MAP3K13: variants seen among roughly 807,000 people sequenced by gnomAD.
MAP3K13 encodes leucine zipper-bearing kinase.
Under a neutral mutation model 104.0 loss-of-function variants are expected in MAP3K13, and 52 were observed. That is an observed-to-expected ratio of 0.50 (90% CI 0.40 to 0.63). The LOEUF (loss-of-function observed/expected upper bound fraction) is 0.63. Ranked by LOEUF, MAP3K13 falls within the 20% of genes least tolerant of loss-of-function variation. The pLI is 0.00. For missense variants in MAP3K13, 914 were observed against 1,218.5 expected, an observed-to-expected ratio of 0.75 and a Z score of 3.72; for synonymous variants, 394 against 442.2, an observed-to-expected ratio of 0.89 and a Z score of 1.37.
At chr3:185,379,186 G>A (rs755116258) in intron 1 of MAP3K13, among the ~76,000 whole-genome samples, 2 of 152,268 alleles carry the variant, frequency 1.3e-5, no homozygotes, top group South Asian at 2.1e-4. Flanking sequence ...GCGTCCCTGC[G>A]GAGATCAGAC....
At chr3:185,311,781 A>G (rs917717573) in intron 2 of MAP3K13, among the ~76,000 whole-genome samples, 1 of 152,202 alleles carries the variant, frequency 6.6e-6, no homozygotes, top group South Asian at 2.1e-4. Context: ...GTAGTCTTTC[A>G]TGCTTACCCA....
At chr3:185,351,467 C>A (rs997651517) in intron 2 of MAP3K13, among the ~76,000 whole-genome samples, 1 of 152,124 alleles carries the variant, frequency 6.6e-6, no homozygotes, top group Non-Finnish European at 1.5e-5. Context: ...AAGAAAGAGG[C>A]AGTGTTAGTG....
In MAP3K13 at chr3:185,482,111, C is replaced by A. The variant is rs997138427; in HGVS notation, c.2800-244C>A. ...AATAAATAAATAAGTAAAGTACTTACAACAGTGCCTGGAGCATAGTAAACG... is the reference window on the plus strand; with the variant it reads ...AATAAATAAATAAGTAAAGTACTTAAAACAGTGCCTGGAGCATAGTAAACG... On this transcript the variant is annotated intron_variant, in intron 13 of 13. Coordinates refer to ENST00000265026, the MANE Select transcript of MAP3K13 (RefSeq NM_004721.5). This position sits in a 1 kb window ranked among gnomAD's most constrained non-coding sequence, Gnocchi z 4.5. Among the ~76,000 whole-genome samples the A allele has an allele frequency of 6.6e-6, 1 of 152,180 alleles. No homozygotes were observed. The highest frequency in any genetic ancestry group is 2.4e-5 in the African/African-American group (1 of 41,454).
At chr3:185,313,170 CAG>C (rs1721551362) in intron 2 of MAP3K13, among the ~76,000 whole-genome samples, 1 of 146,494 alleles carries the variant, frequency 6.8e-6, no homozygotes, top group South Asian at 2.1e-4. Flanking sequence ...GCCTGAGAGA[CAG>C]AGTGAGACTC....
At chr3:185,379,308 TA>T (rs1724592096) in intron 1 of MAP3K13, among the ~76,000 whole-genome samples, 2 of 152,126 alleles carry the variant, frequency 1.3e-5, no homozygotes, top group African/African-American at 2.4e-5. Context: ...GGTCCACGGA[TA>T]AAAGGTGTCT....
chr3:185,330,674 A>G (rs1205330636), intron 2 of MAP3K13, among the ~76,000 whole-genome samples: 1 of 152,038 alleles, frequency 6.6e-6, no homozygotes, highest in African/African-American at 2.4e-5. Context: ...CAGTCTTTTA[A>G]CAACCTGGAA....
chr3:185,456,038 A>G (rs1257597793), intron 7 of MAP3K13, among the ~76,000 whole-genome samples: 1 of 150,462 alleles, frequency 6.6e-6, no homozygotes, highest in African/African-American at 2.4e-5. Flanking sequence ...ATGTTTTTCT[A>G]CCTGCCCCTG....
At chr3:185,353,875 C>G (rs1723238395) in intron 2 of MAP3K13, among the ~76,000 whole-genome samples, 1 of 152,144 alleles carries the variant, frequency 6.6e-6, no homozygotes, top group South Asian at 2.1e-4. Context: ...CTTGTTGAAA[C>G]TGACCATAAC....
intron 1 of MAP3K13, among the ~76,000 whole-genome samples, chr3:185,393,897 A>G (rs1324526431): frequency 4.6e-5 from 7 of 152,170 alleles, no homozygotes; most frequent in Admixed American, 6.5e-5. Context: ...AAGTCTTTCA[A>G]TCTTCCCTGA....
chr3:185,415,858 C>T (rs1713739401), intron 1 of MAP3K13, among the ~76,000 whole-genome samples: 1 of 152,128 alleles, frequency 6.6e-6, no homozygotes, highest in Non-Finnish European at 1.5e-5. Context: ...GCCGGGATTG[C>T]AGGTGTGAGC....
chr3:185,327,288 G>A (rs1404359085), intron 2 of MAP3K13, among the ~76,000 whole-genome samples: 2 of 152,186 alleles, frequency 1.3e-5, no homozygotes, highest in African/African-American at 4.8e-5. Flanking sequence ...ATGTGACTAG[G>A]TTGGACTCCT....
At position 185,395,357 on chromosome 3, in the gene MAP3K13, C is replaced by CTTTTTTTTTTTTTTT. The variant is rs770336517; in HGVS notation, c.-86+31994_-86+32008dup. Among the ~76,000 whole-genome samples the CTTTTTTTTTTTTTTT allele has an allele frequency of 6.1e-4, 43 of 69,974 alleles. 4 individuals carry two copies. The highest frequency in any genetic ancestry group is 2.1e-3 in the East Asian group (4 of 1,874). 45.9% of individuals were successfully genotyped at this position (69,974 alleles called of 152,430 possible). A position where few individuals can be genotyped will look rare whatever the true frequency, so the allele number is the denominator to read the frequency against. ...AGGCATTTCTAATTCAATATTATTT[C>CTTTTTTTTTTTTTTT]TTTTTTTTTTTTTTTTTTTGAGACG... On this transcript the variant is annotated intron_variant, in intron 1 of 13. Coordinates refer to ENST00000265026, the MANE Select transcript of MAP3K13 (RefSeq NM_004721.5).
At position 185,428,594 on chromosome 3, in the gene MAP3K13, C is replaced by A; in HGVS notation, c.13C>A (p.Gln5Lys). The change falls in exon 2 of 14, where the codon CAG becomes AAG. Residue 5 changes from glutamine (Q) to lysine (K), a missense_variant. Physicochemically the swap from Gln to Lys is moderately conservative, Grantham distance 53. This residue lies in a region of MAP3K13 where 156 missense variants were observed against 159.8 expected (regional missense o/e 0.98). Transcript: ENST00000265026. ...TACTCATGGCACGATGGCCAACTTT[C>A]AGGAGCACCTGAGCTGCTCCTCTTC... is the stretch of plus-strand genomic sequence containing the variant. MANF[Q>K]EHLSCSSSPH... is the part of the protein sequence containing the mutation. The A allele has an allele frequency of 6.3e-7, 1 of 1,587,690 alleles. No individual in the cohort carries two copies. Among genetic ancestry groups the A allele is most frequent in the South Asian group, 1.1e-5 (1 of 87,750 alleles).
intron 2 of MAP3K13, among the ~76,000 whole-genome samples, chr3:185,432,106 T>C (rs1714772833): frequency 6.6e-6 from 1 of 151,130 alleles, no homozygotes. Context: ...TGGAAATAAA[T>C]ATAAGCAGGA....
At position 185,418,741 on chromosome 3, in the gene MAP3K13, T is replaced by C. The variant is rs2108793715; in HGVS notation, c.-85-9756T>C. ...ATTTTTGCCAGATGACTCCCCCTTT[T>C]CGGAGTACACCGATATCATTGGGCG... On this transcript the variant is annotated intron_variant, in intron 1 of 13. Coordinates refer to ENST00000265026, the MANE Select transcript of MAP3K13 (RefSeq NM_004721.5). The surrounding 1 kb of genome is among the most constrained non-coding windows in gnomAD (Gnocchi z 4.5). 3 of 1,609,786 alleles carry C rather than the reference T, an allele frequency of 1.9e-6. No homozygotes were observed. In the East Asian group the frequency reaches 6.7e-5, roughly 36 times the overall value.
chr3:185,451,273 T>C lies in MAP3K13; in HGVS notation c.1170-14T>C. Reference sequence around the variant, plus strand: ...CAACTTCTGAAATGCACAAACTGTCTTTTTCACTTTTAGGCAGAGTAAACC... The same window carrying C: ...CAACTTCTGAAATGCACAAACTGTCCTTTTCACTTTTAGGCAGAGTAAACC... On this transcript the variant is annotated splice_polypyrimidine_tract_variant and intron_variant, in intron 6 of 13. Coordinates refer to ENST00000265026, the MANE Select transcript of MAP3K13 (RefSeq NM_004721.5). 1 of 1,580,018 alleles carries C rather than the reference T, an allele frequency of 6.3e-7. No homozygotes were observed. Among genetic ancestry groups the C allele is most frequent in the Non-Finnish European group, 8.6e-7 (1 of 1,157,426 alleles).
rs9827215 is a variant in MAP3K13, at chr3:185,347,090, T to A, written c.-86+61447T>A. Among the ~76,000 whole-genome samples the A allele has an allele frequency of 2.0e-5, 3 of 150,514 alleles. No individual in the cohort carries two copies. The East Asian group carries it at 5.9e-4, about 30-fold the overall frequency. ...CAACCTCTACCTCCCGGGTTCAAGC[T>A]ATTCTCCTGCGTCAGCCTCCTGAGT... is the stretch of plus-strand genomic sequence containing the variant. On this transcript the variant is annotated intron_variant, in intron 2 of 14. Coordinates refer to the MAP3K13 transcript ENST00000424227.
intron 2 of MAP3K13, chr3:185,291,557 T>TA: frequency 6.9e-7 from 1 of 1,458,874 alleles, no homozygotes; most frequent in Non-Finnish European, 9.0e-7. Context: ...TAATTTCCCT[T>TA]AAAAAAATTA....
Position 185,443,518 on chromosome 3 carries a change from T to G in MAP3K13, c.733T>G (p.Leu245Val). 1 of 1,614,118 alleles carries G rather than the reference T, an allele frequency of 6.2e-7. No individual in the cohort carries two copies. The highest frequency in any genetic ancestry group is 8.5e-7 in the Non-Finnish European group (1 of 1,179,998). The change falls in exon 4 of 14, where the codon TTA becomes GTA. Residue 245 changes from leucine (L) to valine (V), a missense_variant. By Grantham distance (32) the Leu-to-Val change is conservative. Around this residue, in one of 3 missense-constraint regions of MAP3K13, gnomAD observed 175 missense variants for 321.3 expected, o/e 0.54. Transcript: ENST00000265026. ...TGCCCATGGACAACTCTACGAGGTC[T>G]TACGAGCTGGCAGGAAGATCACACC... ...YCAHGQLYEV[L>V]RAGRKITPRL...
Sources: gnomAD v4.1 joint callset for allele counts (sites outside exome capture counted in the v4.1 genomes callset) on GRCh38, gnomAD v4.1.1 for gene constraint, gnomAD v4.1.1 regional missense constraint, Gnocchi (gnomAD v3.1) non-coding constraint, MANE v1.5 for transcripts, NCBI Gene and HGNC (gene_info 2026-07-23, HGNC 2026-07-21) for gene names.